ADK: variants seen among roughly 807,000 people sequenced by gnomAD.
ADK encodes N6,N6-dimethyladenosine kinase.
ADK carries 24 observed loss-of-function variants against 44.7 expected under a neutral mutation model. The ratio of observed to expected loss-of-function variants is 0.54; its 90% CI spans 0.39 to 0.76. The LOEUF is 0.76. Among genes scored for constraint, ADK ranks in the 30% least tolerant of loss-of-function variants. The pLI, the probability that ADK is intolerant of heterozygous loss-of-function variation, is 0.00. For missense variants in ADK, 321 were observed against 425.1 expected, an observed-to-expected ratio of 0.76 and a Z score of 2.15; for synonymous variants, 128 against 142.6, an observed-to-expected ratio of 0.90 and a Z score of 0.73.
At chr10:74,227,736 C>G (rs891332139) in intron 3 of ADK, among the ~76,000 whole-genome samples, 1 of 152,098 alleles carries the variant, frequency 6.6e-6, no homozygotes, top group African/African-American at 2.4e-5. Flanking sequence ...CCCAGCTACT[C>G]AGGAGGCTGA....
chr10:74,185,760 C>G (rs1010173445), intron 1 of ADK, among the ~76,000 whole-genome samples: 1 of 77,778 alleles, frequency 1.3e-5, no homozygotes, highest in East Asian at 2.3e-4. Context: ...GCCGTGAACC[C>G]GGGAGGCGGA....
rs117249102 is a variant in ADK at position 74,310,466 on chromosome 10, A to G, written c.195-4201A>G. Among the ~76,000 whole-genome samples the G allele has an allele frequency of 2.9e-3, 441 of 152,088 alleles. 2 individuals are homozygous for G. Among genetic ancestry groups the G allele is most frequent in the Middle Eastern group, 6.8e-3 (2 of 292 alleles). On this transcript the variant is annotated intron_variant, in intron 3 of 10. Transcript: ENST00000539909. ...ATCCAACTGGTTATCCAAACTAGCA[A>G]CCTCAGAATTTTCATCCCTCTTCCA...
At chr10:74,385,328 C>G (rs1472439194) in intron 4 of ADK, among the ~76,000 whole-genome samples, 1 of 152,056 alleles carries the variant, frequency 6.6e-6, no homozygotes, top group Non-Finnish European at 1.5e-5. Context: ...TTTGGATATT[C>G]AGAGCAGTCA....
At chr10:74,528,484 C>A (rs544520333) in intron 7 of ADK, among the ~76,000 whole-genome samples, 1 of 150,338 alleles carries the variant, frequency 6.7e-6, no homozygotes, top group South Asian at 2.1e-4. Flanking sequence ...AAAAAAGACT[C>A]CAAAGTACAA....
intron 1 of ADK, among the ~76,000 whole-genome samples, chr10:74,157,758 G>A (rs1314745717): frequency 6.6e-6 from 1 of 152,038 alleles, no homozygotes; most frequent in African/African-American, 2.4e-5. Context: ...TGGATGTGGT[G>A]GTCCATGCCT....
Position 74,480,470 on chromosome 10 carries a change from G to T in ADK, c.556-44786G>T, listed in dbSNP as rs559766105. 6.5e-4 allele frequency among the ~76,000 whole-genome samples: 99 copies of T among 151,950 alleles called. 2 individuals are homozygous for T. Among genetic ancestry groups the T allele is most frequent in the African/African-American group, 2.3e-3 (95 of 41,462 alleles). ...TTTGTTTGTTTTTTGTAGAGACAGGGATCCTGCTATGTTGCCCAGGCTGTT... is the reference window on the plus strand; with the variant it reads ...TTTGTTTGTTTTTTGTAGAGACAGGTATCCTGCTATGTTGCCCAGGCTGTT... On this transcript the variant is annotated intron_variant, in intron 6 of 10. Coordinates refer to ENST00000539909, the MANE Select transcript of ADK (RefSeq NM_006721.4).
intron 3 of ADK, among the ~76,000 whole-genome samples, chr10:74,298,136 T>G (rs1393182596): frequency 2.6e-5 from 4 of 152,212 alleles, no homozygotes; most frequent in Non-Finnish European, 5.9e-5. Flanking sequence ...GAATATATAT[T>G]GCCATTACCA....
At chr10:74,530,645 G>A (rs1211623706) in intron 7 of ADK, 1 of 152,236 alleles carries the variant, frequency 6.6e-6, no homozygotes, top group Non-Finnish European at 1.5e-5. Context: ...GGTAACTAAG[G>A]CCAAGCACAG....
At chr10:74,240,858 C>T (rs761953861) in intron 3 of ADK, among the ~76,000 whole-genome samples, 3 of 152,106 alleles carry the variant, frequency 2.0e-5, no homozygotes, top group Non-Finnish European at 4.4e-5. Context: ...ACCTTTAAAA[C>T]CCATTGTCAG....
chr10:74,156,117 G>C (rs1162614709), intron 1 of ADK, among the ~76,000 whole-genome samples: 1 of 152,070 alleles, frequency 6.6e-6, no homozygotes, highest in Non-Finnish European at 1.5e-5. Context: ...AGGAAAGCTT[G>C]CATGGATGGT....
At chr10:74,259,066 C>G (rs749759094) in intron 3 of ADK, among the ~76,000 whole-genome samples, 12 of 150,178 alleles carry the variant, frequency 8.0e-5, no homozygotes, top group Admixed American at 2.0e-4. Flanking sequence ...ATTCTCGTGC[C>G]TTAGCCTCCC....
intron 4 of ADK, among the ~76,000 whole-genome samples, chr10:74,355,789 TCTTTC>T (rs1022565563): frequency 2.0e-5 from 3 of 152,188 alleles, no homozygotes; most frequent in African/African-American, 7.2e-5. Flanking sequence ...TTAGGTTTCC[TCTTTC>T]CTTATGTGTT....
intron 6 of ADK, among the ~76,000 whole-genome samples, chr10:74,490,904 G>T (rs1330832765): frequency 6.6e-6 from 1 of 152,002 alleles, no homozygotes; most frequent in Non-Finnish European, 1.5e-5. Flanking sequence ...GGTACCACGT[G>T]TTAGATCAGA....
intron 9 of ADK, among the ~76,000 whole-genome samples, chr10:74,605,226 AC>A (rs1225201570): frequency 5.9e-5 from 9 of 152,196 alleles, no homozygotes; most frequent in Middle Eastern, 3.4e-3. Context: ...CTATTTGAAT[AC>A]CCTTTATTTC....
At chr10:74,189,509 G>A (rs1325921794) in intron 1 of ADK, among the ~76,000 whole-genome samples, 2 of 151,922 alleles carry the variant, frequency 1.3e-5, no homozygotes, top group Admixed American at 6.6e-5. Flanking sequence ...TATTAAATAC[G>A]GTGTATACTG....
rs1194483230 is a variant in ADK, at chr10:74,314,667, G to T, written c.195G>T (p.Leu65=). Reference sequence around the variant, plus strand: ...TTTTTCTACTGTGATTTCCTTATAGGTTTGATGAACTTGTGAAAAAATTCA... The same window carrying T: ...TTTTTCTACTGTGATTTCCTTATAGTTTTGATGAACTTGTGAAAAAATTCA... The part of the protein sequence containing the change: ...QILAEDKHKE[L]FDELVKKFKV... Residue 65 remains leucine, a splice_region_variant and synonymous_variant, in exon 4 of 11, where the codon CTG becomes CTT. Transcript: ENST00000539909. The T allele has an allele frequency of 6.2e-7, 1 of 1,610,694 alleles. No individual in the cohort carries two copies. The highest frequency in any genetic ancestry group is 1.7e-5 in the Admixed American group (1 of 59,934).
chr10:74,398,084 A>G (rs1676285111), intron 5 of ADK, among the ~76,000 whole-genome samples: 1 of 152,132 alleles, frequency 6.6e-6, no homozygotes, highest in Admixed American at 6.5e-5. Context: ...GTTGATATTT[A>G]TTTTTATAAA....
At chr10:74,152,226 T>C (rs10824085) in intron 1 of ADK, among the ~76,000 whole-genome samples, 25,787 of 152,106 alleles carry the variant, frequency 0.17, 2,534 homozygotes, top group African/African-American at 0.27. Context: ...AAGGAATCAC[T>C]CACAATTGAA....
At chr10:74,324,298 G>A (rs1450978800) in intron 4 of ADK, among the ~76,000 whole-genome samples, 3 of 152,158 alleles carry the variant, frequency 2.0e-5, no homozygotes, top group Non-Finnish European at 4.4e-5. Context: ...CCAAAGTGCT[G>A]GGATTACAGT....
Sources: allele counts gnomAD v4.1 joint callset (sites outside exome capture counted in the v4.1 genomes callset), GRCh38; gene constraint gnomAD v4.1.1; transcripts MANE v1.5; gene names NCBI Gene and HGNC (gene_info 2026-07-23, HGNC 2026-07-21).